The following PLCL2 variants were observed in gnomAD, a reference collection of about 807,000 sequenced individuals.
PLCL2 encodes inactive phospholipase C-like protein 2.
PLCL2 carries 4 observed loss-of-function variants against 79.6 expected under a neutral mutation model. The observed-to-expected ratio is 0.05, with a 90% CI of 0.02 to 0.11. The LOEUF is 0.11. Among genes scored for constraint, PLCL2 ranks in the 10% least tolerant of loss-of-function variants. PLCL2 has a pLI of 1.00. For synonymous variants in PLCL2, 484 were observed against 457.7 expected, an observed-to-expected ratio of 1.06 and a Z score of -0.73; for missense variants, 895 against 1,291.0, an observed-to-expected ratio of 0.69 and a Z score of 4.70.
chr3:17,022,570 A>G (rs576414832), intron 3 of PLCL2, among the ~76,000 whole-genome samples: 8 of 152,354 alleles, frequency 5.3e-5, no homozygotes, highest in East Asian at 1.9e-4. Flanking sequence ...TGGAGATAAT[A>G]TACACAGTTC....
In PLCL2 at chr3:17,010,853, A is replaced by C; in HGVS notation, c.1507A>C (p.Ile503Leu). Residue 503 changes from isoleucine (I) to leucine (L), a missense_variant, in exon 2 of 6, where the codon ATT becomes CTT. Coordinates refer to ENST00000615277, the MANE Select transcript of PLCL2 (RefSeq NM_001144382.2). This position sits in a 1 kb window ranked among gnomAD's most constrained non-coding sequence, Gnocchi z 5.8. The part of the protein sequence containing the change: ...QIVFRSVIDI[I>L]NKYAFFASEY... ...AGTTTTCCGCAGTGTCATTGATATT[A>C]TTAACAAGTATGCATTCTTTGCTTC... 1.2e-6 allele frequency: 2 copies of C among 1,614,120 alleles called. No individual in the cohort carries two copies. The highest frequency in any genetic ancestry group is 1.7e-6 in the Non-Finnish European group (2 of 1,179,976).
chr3:17,083,411 C>T (rs770274137), intron 5 of PLCL2, among the ~76,000 whole-genome samples: 30 of 152,114 alleles, frequency 2.0e-4, no homozygotes, highest in Non-Finnish European at 2.1e-4. Flanking sequence ...CGTAGCATAT[C>T]AGAGGCTGAG....
intron 5 of PLCL2, among the ~76,000 whole-genome samples, chr3:17,077,417 C>T (rs1382849109): frequency 6.6e-6 from 1 of 152,182 alleles, no homozygotes; most frequent in Non-Finnish European, 1.5e-5. Flanking sequence ...AACATGACTT[C>T]TGTGAGTTTT....
Position 17,012,122 on chromosome 3 carries a change from C to A in PLCL2, c.2776C>A (p.Pro926Thr), listed in dbSNP as rs575878810. The change falls in exon 2 of 6, where the codon CCT (proline) becomes ACT (threonine). Residue 926 changes from proline (P) to threonine (T), a missense_variant. Pro to Thr is a conservative substitution (Grantham distance 38, BLOSUM62 -1). Transcript: ENST00000615277. Reference protein sequence around the residue: ...VDEVFKNAQPPIRDATDLREN... With the variant: ...VDEVFKNAQPTIRDATDLREN... ...TGAGGTATTCAAGAATGCCCAGCCC[C>A]CTATACGGGATGCCACAGATCTGAG... is the stretch of plus-strand genomic sequence containing the variant. 1 of 1,613,918 alleles carries A rather than the reference C, an allele frequency of 6.2e-7. No individual in the cohort carries two copies. The highest frequency in any genetic ancestry group is 1.1e-5 in the South Asian group (1 of 91,074).
At chr3:17,044,897 A>T (rs2064764764) in intron 4 of PLCL2, among the ~76,000 whole-genome samples, 1 of 152,190 alleles carries the variant, frequency 6.6e-6, no homozygotes, top group Admixed American at 6.6e-5. Context: ...GAAGAATCTT[A>T]TCTATTAGGG....
intron 1 of PLCL2, among the ~76,000 whole-genome samples, chr3:16,932,041 C>A (rs916886351): frequency 6.6e-6 from 1 of 152,184 alleles, no homozygotes; most frequent in Non-Finnish European, 1.5e-5. Context: ...AGAGGGCCCT[C>A]ACCAGAACCC....
In PLCL2 at chr3:16,887,513, C is replaced by T. The variant is rs1696252610; in HGVS notation, c.327+2147C>T. Among the ~76,000 whole-genome samples the T allele has an allele frequency of 1.3e-5, 2 of 152,076 alleles. No individual in the cohort carries two copies. The highest frequency in any genetic ancestry group is 2.9e-5 in the Non-Finnish European group (2 of 68,012). On this transcript the variant is annotated intron_variant, in intron 1 of 5. Coordinates refer to ENST00000615277, the MANE Select transcript of PLCL2 (RefSeq NM_001144382.2). The surrounding 1 kb of genome is among the most constrained non-coding windows in gnomAD (Gnocchi z 4.1). The stretch of plus-strand genomic sequence containing the variant: ...TCACTTTGCATTTTCTTAAAACTTT[C>T]GAAAATTATGGAAGTAGTGTTGAAA...
chr3:16,899,969 T>C (rs1036180363), intron 1 of PLCL2, among the ~76,000 whole-genome samples: 1 of 152,192 alleles, frequency 6.6e-6, no homozygotes, highest in Middle Eastern at 3.2e-3. Flanking sequence ...TTTAGTTTTT[T>C]ATTTTTATTT....
In PLCL2 at chr3:17,042,882, G is replaced by T. The variant is rs748264921; in HGVS notation, c.3027G>T (p.Gln1009His). 3.7e-6 allele frequency: 6 copies of T among 1,609,938 alleles called. No homozygotes were observed. The highest frequency in any genetic ancestry group is 5.1e-6 in the Non-Finnish European group (6 of 1,176,378). The change falls in exon 4 of 6, where the codon CAG (glutamine) becomes CAT (histidine). Residue 1009 changes from glutamine to histidine, a missense_variant. Gln to His is a conservative substitution (Grantham distance 24). This residue lies in a region of PLCL2 where 298 missense variants were observed against 459.6 expected (regional missense o/e 0.65). Coordinates refer to ENST00000615277, the MANE Select transcript of PLCL2 (RefSeq NM_001144382.2). ...KIVTTYDMMI[Q>H]SLKALIENAD... Reference sequence around the variant, plus strand: ...GGATGTTCCCTTTGCAGATGATTCAGTCCCTCAAGGCGTTGATTGAAAATG... The same window carrying T: ...GGATGTTCCCTTTGCAGATGATTCATTCCCTCAAGGCGTTGATTGAAAATG...
At chr3:17,014,464 A>G (rs1366067003) in intron 2 of PLCL2, among the ~76,000 whole-genome samples, 1 of 152,178 alleles carries the variant, frequency 6.6e-6, no homozygotes, top group Non-Finnish European at 1.5e-5. Context: ...CTTCAGAAGA[A>G]TTTGACTTAT....
At chr3:16,936,230 G>A (rs1445784945) in intron 1 of PLCL2, among the ~76,000 whole-genome samples, 3 of 152,214 alleles carry the variant, frequency 2.0e-5, no homozygotes, top group African/African-American at 4.8e-5. Context: ...AGTAATTTAG[G>A]TACCTAATGG....
intron 1 of PLCL2, among the ~76,000 whole-genome samples, chr3:16,904,681 C>T (rs921650130): frequency 6.6e-6 from 1 of 152,166 alleles, no homozygotes; most frequent in Non-Finnish European, 1.5e-5. Flanking sequence ...CAAATTTCAT[C>T]TTGAATTGTA....
chr3:17,042,845 A>C, intron 3 of PLCL2, 29 bp from the exon 4 acceptor site: 1 of 1,516,878 alleles, frequency 6.6e-7, no homozygotes, highest in Non-Finnish European at 9.2e-7. Context: ...TGTCAGGTGT[A>C]ATCTCATGTC....
At chr3:16,980,740 C>T (rs964945325) in intron 1 of PLCL2, among the ~76,000 whole-genome samples, 2 of 152,184 alleles carry the variant, frequency 1.3e-5, no homozygotes, top group East Asian at 1.9e-4. Context: ...GGGTGGCGGC[C>T]GGGCAGAGGC....
At chr3:17,017,294 G>T (rs1477060880) in intron 3 of PLCL2, among the ~76,000 whole-genome samples, 1 of 152,104 alleles carries the variant, frequency 6.6e-6, no homozygotes, top group African/African-American at 2.4e-5. Flanking sequence ...ATGTATAATT[G>T]AAATAGCTGT....
intron 5 of PLCL2, among the ~76,000 whole-genome samples, chr3:17,082,974 T>G (rs1376019702): frequency 6.6e-6 from 1 of 152,192 alleles, no homozygotes; most frequent in African/African-American, 2.4e-5. Context: ...ATTACAATAC[T>G]TTAATTGCAT....
chr3:17,034,421 A>T (rs12497953), intron 3 of PLCL2, among the ~76,000 whole-genome samples: 87,642 of 152,046 alleles, frequency 0.58, 25,544 homozygotes, highest in South Asian at 0.65. Context: ...AATAAAAAAA[A>T]TTATCAGGTA....
At chr3:16,901,761 A>G (rs989371319) in intron 1 of PLCL2, among the ~76,000 whole-genome samples, 2 of 152,170 alleles carry the variant, frequency 1.3e-5, no homozygotes, top group African/African-American at 4.8e-5. Context: ...GCCTCTCTCT[A>G]GCCTTCTCAG....
At chr3:16,965,232 C>A (rs77362201) in intron 1 of PLCL2, among the ~76,000 whole-genome samples, 40,874 of 151,984 alleles carry the variant, frequency 0.27, 5,995 homozygotes, top group East Asian at 0.55. Context: ...TCAGCTTTCT[C>A]CATATGGCTA....
Sources: allele counts gnomAD v4.1 joint callset (sites outside exome capture counted in the v4.1 genomes callset), GRCh38; gene constraint gnomAD v4.1.1; regional missense constraint gnomAD v4.1.1; non-coding constraint Gnocchi (gnomAD v3.1); transcripts MANE v1.5; gene names NCBI Gene and HGNC (gene_info 2026-07-23, HGNC 2026-07-21).